Variants in STPG2 observed in about 807,000 individuals in gnomAD.
STPG2 encodes sperm tail PG-rich repeat containing 2.
Under a neutral mutation model 54.2 loss-of-function variants are expected in STPG2, and 56 were observed. The observed-to-expected ratio is 1.03, with a 90% confidence interval of 0.83 to 1.29. STPG2 has a LOEUF of 1.29. Ranked by LOEUF, STPG2 falls within the 50% of genes most tolerant of loss-of-function variation. The pLI is 0.00. For synonymous variants in STPG2, 200 were observed against 181.8 expected (o/e 1.10, Z -0.81); for missense variants, 596 against 544.9 (o/e 1.09, Z -0.93).
intron 8 of STPG2, among the ~76,000 whole-genome samples, chr4:97,844,900 GATCT>G (rs1362584474): frequency 2.6e-5 from 4 of 151,580 alleles, no homozygotes; most frequent in African/African-American, 7.3e-5. Flanking sequence ...GATTTCTATT[GATCT>G]ATCTTTCAGT....
At chr4:98,097,236 C>A (rs1051853339) in intron 5 of STPG2, among the ~76,000 whole-genome samples, 1 of 152,030 alleles carries the variant, frequency 6.6e-6, no homozygotes, top group Non-Finnish European at 1.5e-5. Context: ...TCAACAAATA[C>A]TAGCAAACCA....
intron 9 of STPG2, among the ~76,000 whole-genome samples, chr4:97,766,623 AGTTTT>A (rs1179631861): frequency 2.0e-5 from 3 of 152,100 alleles, no homozygotes; most frequent in African/African-American, 7.2e-5. Flanking sequence ...AAAACTAAAG[AGTTTT>A]AATAGCAAGA....
chr4:97,904,965 A>C (rs9685768), intron 8 of STPG2, among the ~76,000 whole-genome samples: 56,827 of 151,254 alleles, frequency 0.38, 10,738 homozygotes, highest in Middle Eastern at 0.46. Flanking sequence ...GTGAAAAGAC[A>C]AAATCTACGT....
At chr4:97,982,949 A>G (rs1178372411) in intron 5 of STPG2, among the ~76,000 whole-genome samples, 1 of 152,174 alleles carries the variant, frequency 6.6e-6, no homozygotes, top group Non-Finnish European at 1.5e-5. Context: ...CTCTATATTT[A>G]TAATAAGTAC....
intron 10 of STPG2, among the ~76,000 whole-genome samples, chr4:97,673,851 T>C (rs1049290972): frequency 2.1e-4 from 32 of 152,308 alleles, no homozygotes; most frequent in African/African-American, 7.5e-4. Context: ...AAGTGGTTTA[T>C]ATCATTGCAA....
chr4:97,503,467 C>A (rs1730770435), intron 4 of STPG2, among the ~76,000 whole-genome samples: 5 of 151,444 alleles, frequency 3.3e-5, no homozygotes, highest in Admixed American at 3.3e-4. Flanking sequence ...CTTATTGCAG[C>A]CAATATTCTA....
At chr4:97,578,154 G>A (rs1298268140) in intron 10 of STPG2, among the ~76,000 whole-genome samples, 1 of 147,264 alleles carries the variant, frequency 6.8e-6, no homozygotes, top group Admixed American at 6.8e-5. Flanking sequence ...ACCCAGACTG[G>A]AGTGCAGTGC....
intron 5 of STPG2, among the ~76,000 whole-genome samples, chr4:98,088,580 T>C (rs535462148): frequency 6.6e-6 from 1 of 151,522 alleles, no homozygotes; most frequent in South Asian, 2.1e-4. Flanking sequence ...TAAACCTAGA[T>C]CTTATTTTGG....
intron 10 of STPG2, among the ~76,000 whole-genome samples, chr4:97,691,613 A>T (rs1428813800): frequency 6.6e-6 from 1 of 152,096 alleles, no homozygotes; most frequent in Admixed American, 6.5e-5. Flanking sequence ...ACAAGAAAAA[A>T]GACTTAATCC....
chr4:97,940,178 A>T (rs1732922485), intron 8 of STPG2, among the ~76,000 whole-genome samples: 1 of 152,156 alleles, frequency 6.6e-6, no homozygotes, highest in Admixed American at 6.5e-5. Flanking sequence ...TGTTAGCCTC[A>T]TAGAGATCCC....
chr4:98,016,334 T>C (rs1205158759), intron 5 of STPG2, among the ~76,000 whole-genome samples: 1 of 152,236 alleles, frequency 6.6e-6, no homozygotes, highest in East Asian at 1.9e-4. Flanking sequence ...AATTCTTCTG[T>C]AGTTATGTTT....
chr4:98,041,802 G>A (rs1041504647), intron 5 of STPG2, among the ~76,000 whole-genome samples: 2 of 151,704 alleles, frequency 1.3e-5, no homozygotes, highest in South Asian at 4.1e-4. Flanking sequence ...TTCTTTTTGT[G>A]TTATATCCTT....
intron 10 of STPG2, among the ~76,000 whole-genome samples, chr4:97,596,860 G>A (rs1733308261): frequency 6.6e-6 from 1 of 151,864 alleles, no homozygotes; most frequent in African/African-American, 2.4e-5. Flanking sequence ...AAAGGAGCTA[G>A]AGAAACAAGA....
At chr4:97,445,023 CAAGA>C (rs1729184976) in intron 4 of STPG2, among the ~76,000 whole-genome samples, 2 of 152,002 alleles carry the variant, frequency 1.3e-5, no homozygotes, top group Non-Finnish European at 2.9e-5. Flanking sequence ...GGTGACAGAG[CAAGA>C]CTCCATCTCA....
At chr4:97,528,930 A>G (rs536126974) in intron 4 of STPG2, among the ~76,000 whole-genome samples, 109 of 152,314 alleles carry the variant, frequency 7.2e-4, no homozygotes, top group Non-Finnish European at 4.4e-5. Context: ...ATCTGCAAAG[A>G]GAGACAATCT....
chr4:97,957,507 G>A (rs1733725018), intron 7 of STPG2, among the ~76,000 whole-genome samples: 1 of 152,060 alleles, frequency 6.6e-6, no homozygotes, highest in Non-Finnish European at 1.5e-5. Context: ...GGGGAAGTAA[G>A]TGAGGAAAAC....
intron 2 of STPG2, among the ~76,000 whole-genome samples, chr4:98,130,443 A>T (rs1275058463): frequency 6.6e-6 from 1 of 152,022 alleles, no homozygotes; most frequent in African/African-American, 2.4e-5. Flanking sequence ...CTGGCCTCCC[A>T]AAGTGCTAGG....
intron 10 of STPG2, among the ~76,000 whole-genome samples, chr4:97,565,782 G>T (rs535261599): frequency 1.3e-5 from 2 of 152,238 alleles, no homozygotes; most frequent in South Asian, 4.1e-4. Flanking sequence ...CTGTCTGATC[G>T]TTCCTCTGGA....
At chr4:97,499,928 A>C (rs898577313) in intron 4 of STPG2, among the ~76,000 whole-genome samples, 1 of 152,020 alleles carries the variant, frequency 6.6e-6, no homozygotes, top group Non-Finnish European at 1.5e-5. Flanking sequence ...AGGCAGGTCT[A>C]TTGCATAGGC....
Sources: gnomAD v4.1 joint callset for allele counts (sites outside exome capture counted in the v4.1 genomes callset) on GRCh38, gnomAD v4.1.1 for gene constraint, MANE v1.5 for transcripts, NCBI Gene and HGNC (gene_info 2026-07-23, HGNC 2026-07-21) for gene names.